The following DLG2 variants were observed in gnomAD, a reference collection of about 807,000 sequenced individuals.
DLG2 encodes disks large homolog 2.
In DLG2, 45 loss-of-function variants were observed where a neutral mutation model predicts 132.5. The ratio of observed to expected loss-of-function variants is 0.34; its 90% confidence interval spans 0.27 to 0.44. The LOEUF is 0.44. Among genes scored for constraint, DLG2 ranks in the 20% least tolerant of loss-of-function variants. The pLI, the probability that DLG2 is intolerant of heterozygous loss-of-function variation, is 1.00. For synonymous variants in DLG2, 424 were observed against 419.6 expected (o/e 1.01, Z -0.13); for missense variants, 1,045 against 1,196.9 (o/e 0.87, Z 1.87).
chr11:85,123,186 C>T (rs2074633658), intron 5 of DLG2, among the ~76,000 whole-genome samples: 1 of 151,200 alleles, frequency 6.6e-6, no homozygotes, highest in Non-Finnish European at 1.5e-5. Context: ...ACCGTGTTAG[C>T]AAGGATGGTC....
chr11:84,626,527 G>A (rs1565490669), intron 6 of DLG2, among the ~76,000 whole-genome samples: 1 of 152,202 alleles, frequency 6.6e-6, no homozygotes, highest in Non-Finnish European at 1.5e-5. Flanking sequence ...AGGTCTGAAG[G>A]TGGCAGAGCT....
At chr11:83,896,889 A>T (rs2071873184) in intron 15 of DLG2, among the ~76,000 whole-genome samples, 2 of 152,208 alleles carry the variant, frequency 1.3e-5, no homozygotes, top group Admixed American at 1.3e-4. Context: ...AGGGCAAAAT[A>T]TAAAGCTTGA....
At chr11:85,533,458 C>CACATATAT (rs1555175233) in intron 3 of DLG2, among the ~76,000 whole-genome samples, 2 of 142,150 alleles carry the variant, frequency 1.4e-5, no homozygotes, top group African/African-American at 5.1e-5. Flanking sequence ...ACATAAAATA[C>CACATATAT]ATATATATAT....
chr11:84,812,390 T>C (rs1172302744), intron 6 of DLG2, among the ~76,000 whole-genome samples: 1 of 152,170 alleles, frequency 6.6e-6, no homozygotes, highest in Non-Finnish European at 1.5e-5. Flanking sequence ...ACTTACAATG[T>C]AAAAGCACAG....
chr11:84,492,769 T>G (rs1034703718), intron 7 of DLG2, among the ~76,000 whole-genome samples: 2 of 152,112 alleles, frequency 1.3e-5, no homozygotes, highest in East Asian at 1.9e-4. Context: ...ATTCAAGAAG[T>G]GTAGCAGGCT....
intron 21 of DLG2, among the ~76,000 whole-genome samples, chr11:83,523,359 T>C (rs1463634990): frequency 6.6e-6 from 1 of 152,202 alleles, no homozygotes; most frequent in African/African-American, 2.4e-5. Context: ...ATACAACTCC[T>C]ATTTATATTA....
intron 6 of DLG2, among the ~76,000 whole-genome samples, chr11:84,793,612 G>A (rs1371380375): frequency 1.3e-5 from 2 of 152,126 alleles, no homozygotes; most frequent in Non-Finnish European, 2.9e-5. Context: ...ATTCACAATT[G>A]TCATATCCTC....
chr11:85,086,933 T>C (rs1227812088), intron 6 of DLG2, among the ~76,000 whole-genome samples: 2 of 152,214 alleles, frequency 1.3e-5, no homozygotes, highest in African/African-American at 4.8e-5. Flanking sequence ...TACGAAAGCT[T>C]AGTACATGTA....
intron 6 of DLG2, among the ~76,000 whole-genome samples, chr11:84,782,189 T>G (rs2071927291): frequency 6.6e-6 from 1 of 151,912 alleles, no homozygotes; most frequent in South Asian, 2.1e-4. Flanking sequence ...TTCCCCACAC[T>G]CCAAGATACT....
At chr11:83,664,549 A>C (rs2075107878) in intron 18 of DLG2, among the ~76,000 whole-genome samples, 1 of 152,012 alleles carries the variant, frequency 6.6e-6, no homozygotes, top group South Asian at 2.1e-4. Context: ...GGAATGAATG[A>C]GGTCATGGAT....
intron 7 of DLG2, among the ~76,000 whole-genome samples, chr11:84,448,102 G>A (rs549352267): frequency 1.3e-5 from 2 of 152,108 alleles, no homozygotes; most frequent in Admixed American, 1.3e-4. Flanking sequence ...AAATTCACAT[G>A]CTCTTCCAAA....
At chr11:84,021,468 G>C (rs1234551226) in intron 11 of DLG2, among the ~76,000 whole-genome samples, 1 of 152,150 alleles carries the variant, frequency 6.6e-6, no homozygotes, top group Admixed American at 6.5e-5. Context: ...TAGTTCTCAA[G>C]AGAAGGAGCT....
At chr11:84,532,686 A>C (rs1327138531) in intron 7 of DLG2, among the ~76,000 whole-genome samples, 1 of 152,094 alleles carries the variant, frequency 6.6e-6, no homozygotes, top group African/African-American at 2.4e-5. Context: ...TTGCAGAGAC[A>C]AGGTCTTGCC....
At chr11:83,892,454 C>T (rs949447169) in intron 15 of DLG2, among the ~76,000 whole-genome samples, 1 of 152,036 alleles carries the variant, frequency 6.6e-6, no homozygotes, top group Non-Finnish European at 1.5e-5. Context: ...TGTAAAATAT[C>T]AATATAAGGA....
At chr11:83,825,446 G>A (rs1320538939) in intron 17 of DLG2, among the ~76,000 whole-genome samples, 1 of 151,892 alleles carries the variant, frequency 6.6e-6, no homozygotes, top group African/African-American at 2.4e-5. Context: ...CTCCCAGAGT[G>A]CTGAGATTAC....
intron 2 of DLG2, among the ~76,000 whole-genome samples, chr11:85,615,095 T>C (rs908062099): frequency 1.3e-5 from 2 of 152,224 alleles, no homozygotes; most frequent in African/African-American, 4.8e-5. Flanking sequence ...AAGATATTAT[T>C]AATAGTATAA....
At chr11:84,773,209 A>G (rs1284411967) in intron 6 of DLG2, among the ~76,000 whole-genome samples, 1 of 152,188 alleles carries the variant, frequency 6.6e-6, no homozygotes, top group Non-Finnish European at 1.5e-5. Flanking sequence ...GGAAACATAC[A>G]ACCTCCCAAG....
At chr11:84,614,675 T>A (rs1038597229) in intron 6 of DLG2, among the ~76,000 whole-genome samples, 1 of 152,162 alleles carries the variant, frequency 6.6e-6, no homozygotes, top group African/African-American at 2.4e-5. Flanking sequence ...TGTTTGTTGA[T>A]CTTTAAAATA....
At position 85,558,871 on chromosome 11, in the gene DLG2, A is replaced by G. The variant is rs57892594; in HGVS notation, c.40+39786T>C. Among the ~76,000 whole-genome samples the G allele has an allele frequency of 8.0e-3, 1,220 of 151,868 alleles. 22 individuals carry two copies. Among genetic ancestry groups the G allele is most frequent in the African/African-American group, 0.029 (1,187 of 41,486 alleles). ...GTTCCTGGGTGACGGGATCAATCATACCTCAAACCTCAGCATCACACAATA... is the reference window on the plus strand; with the variant it reads ...GTTCCTGGGTGACGGGATCAATCATGCCTCAAACCTCAGCATCACACAATA... On this transcript the variant is annotated intron_variant, in intron 3 of 27. Transcript: ENST00000376104.
Sources: allele counts gnomAD v4.1 joint callset (sites outside exome capture counted in the v4.1 genomes callset), GRCh38; gene constraint gnomAD v4.1.1; transcripts MANE v1.5; gene names NCBI Gene and HGNC (gene_info 2026-07-23, HGNC 2026-07-21).